JCAD: variants seen among roughly 807,000 people sequenced by gnomAD.
The protein encoded by JCAD is junctional cadherin 5 associated, also known as junctional cadherin 5-associated protein.
In JCAD, 40 loss-of-function variants were observed where a neutral mutation model predicts 98.0. That is an observed-to-expected ratio of 0.41 (90% CI 0.32 to 0.53). The LOEUF is 0.53. Ranked by LOEUF, JCAD falls within the 20% of genes least tolerant of loss-of-function variation. The pLI, the probability that JCAD is intolerant of heterozygous loss-of-function variation, is 0.31. For synonymous variants in JCAD, 691 were observed against 682.3 expected (o/e 1.01, Z -0.20); for missense variants, 1,705 against 1,738.1 (o/e 0.98, Z 0.34).
intron 1 of JCAD, among the ~76,000 whole-genome samples, chr10:30,075,333 T>C (rs1472234329): frequency 6.6e-6 from 1 of 152,228 alleles, no homozygotes; most frequent in Non-Finnish European, 1.5e-5. Context: ...TAAGCTTACA[T>C]ATTGCTTCCA....
Position 30,015,310 on chromosome 10 carries a change from A to AT in JCAD, c.*2572dup, listed in dbSNP as rs1207822693. On this transcript the variant is annotated 3_prime_UTR_variant, in exon 4 of 4. Transcript: ENST00000375377. ...TCTTCCAGCCACAAAAAACGAAGTTATGTATGTATGAGAAATAGAAACAAT... is the reference window on the plus strand; with the variant it reads ...TCTTCCAGCCACAAAAAACGAAGTTATTGTATGTATGAGAAATAGAAACAAT... 6.6e-6 allele frequency: 1 copy of AT among 152,252 alleles called. No homozygotes were observed. Among genetic ancestry groups the AT allele is most frequent in the Non-Finnish European group, 1.5e-5 (1 of 68,040 alleles). 9.4% of individuals were successfully genotyped at this position (152,252 alleles called of 1,614,324 possible).
intron 1 of JCAD, among the ~76,000 whole-genome samples, chr10:30,050,828 G>A (rs1837452969): frequency 6.6e-6 from 1 of 152,190 alleles, no homozygotes; most frequent in South Asian, 2.1e-4. Context: ...ACCCAGGATT[G>A]CAGCACACAT....
At chr10:30,065,924 C>A (rs1336165515) in intron 2 of JCAD, among the ~76,000 whole-genome samples, 5 of 152,206 alleles carry the variant, frequency 3.3e-5, no homozygotes, top group Non-Finnish European at 7.3e-5. Context: ...TGGGCCTCAT[C>A]AAACCGATGC....
intron 1 of JCAD, among the ~76,000 whole-genome samples, chr10:30,054,134 T>C (rs12411814): frequency 0.088 from 13,408 of 152,238 alleles, 967 homozygotes; most frequent in East Asian, 0.22. Context: ...TTTTCAGGTA[T>C]ACAACAGCAC....
At position 30,026,333 on chromosome 10, in the gene JCAD, C is replaced by T. The variant is rs747495441; in HGVS notation, c.3815G>A (p.Arg1272Lys). ...GTCGGCATTCCTGAAGCTCAGGACT[C>T]TCATCCGTGACACTGAGCTCACCTC... ...MKEVSSVSRM[R>K]VLSFRNADSQ... Residue 1272 changes from arginine to lysine, a missense_variant, in exon 3 of 4, where the codon AGA becomes AAA. This residue lies in a region of JCAD where 1,278 missense variants were observed against 1,243.1 expected (regional missense o/e 1.03). Transcript: ENST00000375377. 14 of 1,614,050 alleles carry T rather than the reference C, an allele frequency of 8.7e-6. No individual in the cohort carries two copies. Among genetic ancestry groups the T allele is most frequent in the African/African-American group, 1.3e-5 (1 of 74,932 alleles).
intron 2 of JCAD, among the ~76,000 whole-genome samples, chr10:30,036,904 C>T (rs1837123368): frequency 6.6e-6 from 1 of 152,232 alleles, no homozygotes; most frequent in African/African-American, 2.4e-5. Context: ...TGCTTTCCAA[C>T]CCTAGTGTCA....
chr10:30,049,552 G>A (rs1837426561), intron 1 of JCAD, among the ~76,000 whole-genome samples: 1 of 152,186 alleles, frequency 6.6e-6, no homozygotes, highest in Non-Finnish European at 1.5e-5. Flanking sequence ...TTTTATGGAA[G>A]CTGACAAGCT....
intron 1 of JCAD, among the ~76,000 whole-genome samples, chr10:30,103,930 C>T (rs1225264390): frequency 6.6e-6 from 1 of 151,990 alleles, no homozygotes; most frequent in Non-Finnish European, 1.5e-5. Context: ...TGCCATATAA[C>T]ACAGGAAATG....
chr10:30,051,800 G>T (rs975045376), intron 1 of JCAD, among the ~76,000 whole-genome samples: 4 of 152,070 alleles, frequency 2.6e-5, no homozygotes, highest in Non-Finnish European at 5.9e-5. Flanking sequence ...AGAAAAAAAA[G>T]GAATAATAAG....
chr10:30,113,229 G>A (rs1171108623), intron 1 of JCAD, among the ~76,000 whole-genome samples: 1 of 152,046 alleles, frequency 6.6e-6, no homozygotes, highest in Non-Finnish European at 1.5e-5. Flanking sequence ...TGATGCGGGA[G>A]GATATGAAAC....
intron 1 of JCAD, among the ~76,000 whole-genome samples, chr10:30,103,966 C>T (rs547754553): frequency 6.6e-6 from 1 of 152,132 alleles, no homozygotes; most frequent in Non-Finnish European, 1.5e-5. Context: ...GTGGTAAGTG[C>T]TATGGCAAAG....
intron 1 of JCAD, among the ~76,000 whole-genome samples, chr10:30,090,713 C>T (rs12266350): frequency 0.026 from 3,948 of 152,260 alleles, 152 homozygotes; most frequent in African/African-American, 0.085. Flanking sequence ...AACCAAATCA[C>T]TGTAGGGAAC....
intron 1 of JCAD, among the ~76,000 whole-genome samples, chr10:30,051,292 A>G (rs1039014524): frequency 2.0e-5 from 3 of 151,474 alleles, no homozygotes; most frequent in African/African-American, 7.3e-5. Context: ...ACGCACACAC[A>G]CACACACACA....
Position 30,017,882 on chromosome 10 carries a change from A to C in JCAD, c.*1T>G. On this transcript the variant is annotated 3_prime_UTR_variant, in exon 4 of 4. Transcript: ENST00000375377. ...GGAATGCAAGCTCCACCGGCATTTCATCACACCCTCTCCACTCTGCTAGGG... is the reference window on the plus strand; with the variant it reads ...GGAATGCAAGCTCCACCGGCATTTCCTCACACCCTCTCCACTCTGCTAGGG... The C allele has an allele frequency of 6.2e-7, 1 of 1,613,028 alleles. No individual in the cohort carries two copies. Among genetic ancestry groups the C allele is most frequent in the East Asian group, 2.2e-5 (1 of 44,888 alleles).
chr10:30,063,507 A>C (rs192317136), upstream of JCAD, among the ~76,000 whole-genome samples: 18 of 152,294 alleles, frequency 1.2e-4, no homozygotes, highest in Non-Finnish European at 2.1e-4. Flanking sequence ...CCTTCTCTGT[A>C]GACTATAAGG....
At chr10:30,037,847 C>T (rs10826753) in intron 2 of JCAD, among the ~76,000 whole-genome samples, 81,000 of 151,018 alleles carry the variant, frequency 0.54, 24,405 homozygotes, top group African/African-American at 0.84. Context: ...ATGGAAGCCC[C>T]TGAAGTCGCA....
upstream of JCAD, among the ~76,000 whole-genome samples, chr10:30,063,165 A>AAC (rs1837728401): frequency 6.7e-6 from 1 of 148,840 alleles, no homozygotes; most frequent in Admixed American, 6.7e-5. Context: ...AAAAAAAAAA[A>AAC]CTCGCTTATG....
chr10:30,017,945 T>A, intron 3 of JCAD, 28 bp from the exon 4 acceptor site: 2 of 1,569,974 alleles, frequency 1.3e-6, no homozygotes, highest in Non-Finnish European at 1.8e-6. Context: ...AAAAGAAAAT[T>A]AGTGTTATAT....
In JCAD at chr10:30,014,534, C is replaced by T. The variant is rs1836495057; in HGVS notation, c.*3349G>A. 6.6e-6 allele frequency: 1 copy of T among 152,116 alleles called. No individual in the cohort carries two copies. Among genetic ancestry groups the T allele is most frequent in the East Asian group, 1.9e-4 (1 of 5,198 alleles). 9.4% of individuals were successfully genotyped at this position (152,116 alleles called of 1,614,324 possible). A position where few individuals can be genotyped will look rare whatever the true frequency, so the allele number is the denominator to read the frequency against. ...AAACAAACAATAATAAAAAACTCAG[C>T]CAGAACACGCAAACGTGATCTCTGG... On this transcript the variant is annotated 3_prime_UTR_variant, in exon 4 of 4. Transcript: ENST00000375377.
Sources: allele counts gnomAD v4.1 joint callset (sites outside exome capture counted in the v4.1 genomes callset), GRCh38; gene constraint gnomAD v4.1.1; regional missense constraint gnomAD v4.1.1; transcripts MANE v1.5; gene names NCBI Gene and HGNC (gene_info 2026-07-23, HGNC 2026-07-21).